FOXN3: variants seen among roughly 807,000 people sequenced by gnomAD.
FOXN3 encodes the protein forkhead box N3, also known as forkhead box protein N3.
Under a neutral mutation model 38.4 loss-of-function variants are expected in FOXN3, and 7 were observed. The observed-to-expected ratio is 0.18, with a 90% CI of 0.10 to 0.34. The LOEUF (loss-of-function observed/expected upper bound fraction) is 0.34, where lower values mean the gene tolerates loss of function less well. Ranked by LOEUF, FOXN3 falls within the 10% of genes least tolerant of loss-of-function variation. The pLI, the probability that FOXN3 is intolerant of heterozygous loss-of-function variation, is 1.00. For missense variants in FOXN3, 456 were observed against 613.4 expected (o/e 0.74, Z 2.71); for synonymous variants, 230 against 242.2 (o/e 0.95, Z 0.47).
rs115780945 is a variant in FOXN3, at chr14:89,181,599, A to G, written c.746-793T>C. On this transcript the variant is annotated intron_variant, in intron 4 of 5. Transcript: ENST00000557258. ...CTCCTCATCCCACCTTCTCCTAAACACACGCATCCCTGGAGCAACCCTAAG... is the reference window on the plus strand; with the variant it reads ...CTCCTCATCCCACCTTCTCCTAAACGCACGCATCCCTGGAGCAACCCTAAG... Among the ~76,000 whole-genome samples the G allele has an allele frequency of 2.9e-3, 447 of 152,202 alleles. 2 individuals carry two copies. Among genetic ancestry groups the G allele is most frequent in the African/African-American group, 0.01 (435 of 41,506 alleles).
chr14:89,351,668 C>T (rs1888978310), intron 2 of FOXN3, among the ~76,000 whole-genome samples: 1 of 152,212 alleles, frequency 6.6e-6, no homozygotes, highest in Non-Finnish European at 1.5e-5. Context: ...CGCACACTTT[C>T]AAGTGACCGA....
At chr14:89,618,346 A>G (rs1484401964) in intron 1 of FOXN3, among the ~76,000 whole-genome samples, 2 of 152,224 alleles carry the variant, frequency 1.3e-5, no homozygotes, top group Non-Finnish European at 2.9e-5. Flanking sequence ...TAAACAAAGC[A>G]TGAAAAATAG....
At chr14:89,298,311 G>A (rs1266952243) in intron 3 of FOXN3, among the ~76,000 whole-genome samples, 1 of 152,074 alleles carries the variant, frequency 6.6e-6, no homozygotes, top group Non-Finnish European at 1.5e-5. Context: ...GTTGTTTAAT[G>A]AGTACAGGGT....
intron 1 of FOXN3, among the ~76,000 whole-genome samples, chr14:89,501,257 T>C (rs972045614): frequency 1.3e-5 from 2 of 152,222 alleles, no homozygotes; most frequent in South Asian, 2.1e-4. Context: ...CCATTTATAT[T>C]AGTGGGAACT....
At chr14:89,313,879 G>A (rs1445767895) in intron 3 of FOXN3, among the ~76,000 whole-genome samples, 1 of 152,166 alleles carries the variant, frequency 6.6e-6, no homozygotes, top group Non-Finnish European at 1.5e-5. Flanking sequence ...AAAGAAGCCA[G>A]TCACAAAAGG....
At chr14:89,165,210 C>T (rs1887209405) in intron 5 of FOXN3, among the ~76,000 whole-genome samples, 1 of 152,190 alleles carries the variant, frequency 6.6e-6, no homozygotes, top group African/African-American at 2.4e-5. Context: ...CAGAGCCTGG[C>T]TTGCAAGCCA....
At chr14:89,223,813 G>A (rs1884546599) in intron 4 of FOXN3, among the ~76,000 whole-genome samples, 1 of 152,148 alleles carries the variant, frequency 6.6e-6, no homozygotes, top group African/African-American at 2.4e-5. Flanking sequence ...TTTACCCCCA[G>A]GAACATTTAG....
At chr14:89,228,547 T>C (rs868603850) in intron 4 of FOXN3, among the ~76,000 whole-genome samples, 2 of 152,366 alleles carry the variant, frequency 1.3e-5, no homozygotes, top group Non-Finnish European at 2.9e-5. Flanking sequence ...TTGTACCATA[T>C]TCAACTTGTG....
intron 1 of FOXN3, among the ~76,000 whole-genome samples, chr14:89,520,834 G>A (rs894531237): frequency 6.6e-6 from 1 of 152,116 alleles, no homozygotes; most frequent in African/African-American, 2.4e-5. Context: ...TGATCCCAAG[G>A]TGACACAGAG....
intron 3 of FOXN3, among the ~76,000 whole-genome samples, chr14:89,298,464 C>T (rs917925792): frequency 3.7e-5 from 5 of 135,514 alleles, no homozygotes; most frequent in Non-Finnish European, 7.7e-5. Flanking sequence ...AGGGAGACTC[C>T]GTCTATTTAA....
intron 1 of FOXN3, among the ~76,000 whole-genome samples, chr14:89,573,335 C>A (rs1420739109): frequency 6.6e-6 from 1 of 152,098 alleles, no homozygotes; most frequent in Non-Finnish European, 1.5e-5. Flanking sequence ...TAATAAATGG[C>A]AGGTCACTCA....
At chr14:89,477,932 C>T (rs1893244836) in intron 1 of FOXN3, among the ~76,000 whole-genome samples, 1 of 151,938 alleles carries the variant, frequency 6.6e-6, no homozygotes, top group African/African-American at 2.4e-5. Context: ...GCCTGATGAC[C>T]CCTCACAGGT....
At chr14:89,453,421 G>GTGGTGGC (rs1333296906) in intron 1 of FOXN3, among the ~76,000 whole-genome samples, 1 of 151,184 alleles carries the variant, frequency 6.6e-6, no homozygotes, top group Non-Finnish European at 1.5e-5. Context: ...TTAACCGGGC[G>GTGGTGGC]TGGTGGCGGG....
intron 5 of FOXN3, among the ~76,000 whole-genome samples, chr14:89,171,668 CTT>C (rs1023474730): frequency 1.3e-5 from 2 of 151,990 alleles, no homozygotes; most frequent in African/African-American, 4.8e-5. Flanking sequence ...ACAATGCAAA[CTT>C]TTTTTTATGA....
At position 89,158,648 on chromosome 14, in the gene FOXN3, C is replaced by T. The variant is rs1411417969; in HGVS notation, c.*3766G>A. 6.6e-6 allele frequency: 1 copy of T among 152,458 alleles called. No individual in the cohort carries two copies. Among genetic ancestry groups the T allele is most frequent in the African/African-American group, 2.4e-5 (1 of 41,384 alleles). The allele number at this position is 152,458 out of a possible 1,614,324, so 9.4% of individuals were successfully genotyped here. A position where few individuals can be genotyped will look rare whatever the true frequency, so the allele number is the denominator to read the frequency against. ...GGCTGGGAAAAATCTATGATGCAAA[C>T]CCTTTCCACATAGTACTAGATAAAG... On this transcript the variant is annotated 3_prime_UTR_variant, in exon 6 of 6. Coordinates refer to ENST00000557258, the MANE Select transcript of FOXN3 (RefSeq NM_005197.4).
chr14:89,307,690 G>GT (rs148499006), intron 3 of FOXN3, among the ~76,000 whole-genome samples: 2,745 of 152,250 alleles, frequency 0.018, 88 homozygotes, highest in African/African-American at 0.063. Context: ...GGAGACACGT[G>GT]TTTGCATCCT....
chr14:89,244,185 C>T (rs6575050), intron 4 of FOXN3, among the ~76,000 whole-genome samples: 121,356 of 152,182 alleles, frequency 0.8, 48,436 homozygotes, highest in Non-Finnish European at 0.82. Context: ...GAAATCAAGT[C>T]CCTGCAAAAG....
intron 2 of FOXN3, among the ~76,000 whole-genome samples, chr14:89,359,868 C>T (rs1398113167): frequency 6.6e-6 from 1 of 152,118 alleles, no homozygotes; most frequent in East Asian, 1.9e-4. Flanking sequence ...CTGGCTGGGG[C>T]AGCTGGGCCT....
At chr14:89,592,668 G>C (rs72705439) in intron 1 of FOXN3, among the ~76,000 whole-genome samples, 2 of 152,296 alleles carry the variant, frequency 1.3e-5, no homozygotes, top group Non-Finnish European at 2.9e-5. Context: ...GGATAGATTA[G>C]AGATACTTTC....
Sources: allele counts gnomAD v4.1 joint callset (sites outside exome capture counted in the v4.1 genomes callset), GRCh38; gene constraint gnomAD v4.1.1; transcripts MANE v1.5; gene names NCBI Gene and HGNC (gene_info 2026-07-23, HGNC 2026-07-21).